The following SSH2 variants were observed in gnomAD, a reference collection of about 807,000 sequenced individuals.
SSH2 encodes the protein protein phosphatase Slingshot homolog 2.
SSH2 carries 37 observed loss-of-function variants against 135.2 expected under a neutral mutation model. That is an observed-to-expected ratio of 0.27 (90% confidence interval 0.21 to 0.36). The LOEUF (loss-of-function observed/expected upper bound fraction) is 0.36, where lower values mean the gene tolerates loss of function less well. SSH2 is among the 10% of genes least tolerant of loss of function. SSH2 has a pLI of 1.00. For synonymous variants in SSH2, 628 were observed against 646.2 expected (o/e 0.97, Z 0.43); for missense variants, 1,408 against 1,765.3 (o/e 0.80, Z 3.63).
chr17:29,654,228 T>G (rs1200065418), intron 12 of SSH2, among the ~76,000 whole-genome samples: 1 of 152,226 alleles, frequency 6.6e-6, no homozygotes, highest in African/African-American at 2.4e-5. Flanking sequence ...CTGAGCTAGG[T>G]AGATAGTAAG....
At chr17:29,649,037 A>T (rs2036491295) in intron 13 of SSH2, among the ~76,000 whole-genome samples, 1 of 152,032 alleles carries the variant, frequency 6.6e-6, no homozygotes, top group Non-Finnish European at 1.5e-5. Context: ...GCTACTCAGG[A>T]GGCCGAGGCA....
chr17:29,863,918 C>T (rs1355515774), intron 1 of SSH2: 1 of 152,130 alleles, frequency 6.6e-6, no homozygotes, highest in Non-Finnish European at 1.5e-5. Context: ...GAAAAGATTC[C>T]TGAGTGTACA....
At chr17:29,894,790 A>G (rs1328590612) in intron 1 of SSH2, among the ~76,000 whole-genome samples, 1 of 151,974 alleles carries the variant, frequency 6.6e-6, no homozygotes, top group Non-Finnish European at 1.5e-5. Context: ...TGGAACACTG[A>G]AGCCATATTC....
chr17:29,902,544 C>A (rs568343987), intron 1 of SSH2, among the ~76,000 whole-genome samples: 57 of 151,504 alleles, frequency 3.8e-4, no homozygotes, highest in South Asian at 1.0e-3. Context: ...AAAAAAAAAA[C>A]CCCAATAATT....
intron 3 of SSH2, among the ~76,000 whole-genome samples, chr17:29,705,512 T>A (rs942254350): frequency 9.2e-5 from 14 of 152,304 alleles, no homozygotes; most frequent in African/African-American, 2.6e-4. Context: ...CCCTCGATTA[T>A]CTATCTACTC....
chr17:29,766,209 A>G (rs528506440), intron 3 of SSH2, among the ~76,000 whole-genome samples: 1 of 152,024 alleles, frequency 6.6e-6, no homozygotes, highest in African/African-American at 2.4e-5. Flanking sequence ...ACATTAAAAT[A>G]CCTGTCTGGG....
chr17:29,631,181 G>A lies in SSH2; in HGVS notation c.4013C>T (p.Pro1338Leu). Residue 1338 changes from proline to leucine, a missense_variant, in exon 16 of 16, where the codon CCA (proline) becomes CTA (leucine). Pro to Leu is a moderately conservative substitution (Grantham distance 98). Around this residue, in one of 3 missense-constraint regions of SSH2, gnomAD observed 1,080 missense variants for 1,144.5 expected, o/e 0.94. Transcript: ENST00000540801. The part of the protein sequence containing the change: ...AMEDQESLEN[P>L]GAPHNPEPTK... ...GGGCTCTGGGTTGTGGGGGGCACCTGGGTTTTCTAGGGACTCTTGGTCCTC... is the reference window on the plus strand; with the variant it reads ...GGGCTCTGGGTTGTGGGGGGCACCTAGGTTTTCTAGGGACTCTTGGTCCTC... 4 of 1,614,168 alleles carry A rather than the reference G, an allele frequency of 2.5e-6. No individual in the cohort carries two copies. The highest frequency in any genetic ancestry group is 2.5e-6 in the Non-Finnish European group (3 of 1,180,040).
At chr17:29,789,555 T>C (rs1239139777) in intron 3 of SSH2, among the ~76,000 whole-genome samples, 3 of 152,180 alleles carry the variant, frequency 2.0e-5, no homozygotes, top group African/African-American at 7.2e-5. Context: ...CATCAGGGCT[T>C]CTACTCTCAT....
chr17:29,829,589 A>G (rs1162612157), intron 2 of SSH2, among the ~76,000 whole-genome samples: 2 of 152,110 alleles, frequency 1.3e-5, no homozygotes, highest in Non-Finnish European at 2.9e-5. Context: ...TCTTCAGGGT[A>G]TGACTTTAGC....
intron 3 of SSH2, among the ~76,000 whole-genome samples, chr17:29,757,780 G>C (rs1307421086): frequency 2.2e-5 from 3 of 138,038 alleles, no homozygotes; most frequent in Non-Finnish European, 3.2e-5. Context: ...CAGTGGCAGG[G>C]GTGGGGGGTG....
intron 3 of SSH2, chr17:29,761,503 G>A: frequency 2.2e-6 from 2 of 914,118 alleles, no homozygotes; most frequent in Non-Finnish European, 2.6e-6. Context: ...GAGCGGAGAG[G>A]GTAGGCCCGG....
chr17:29,813,593 G>A (rs1213623087), intron 2 of SSH2, among the ~76,000 whole-genome samples: 1 of 151,810 alleles, frequency 6.6e-6, no homozygotes, highest in Non-Finnish European at 1.5e-5. Context: ...CGAGGCGGGA[G>A]GATCTCTTGA....
intron 2 of SSH2, among the ~76,000 whole-genome samples, chr17:29,795,499 C>T (rs1212242680): frequency 1.3e-5 from 2 of 152,044 alleles, no homozygotes; most frequent in Non-Finnish European, 2.9e-5. Context: ...AAGGTATGCC[C>T]TTTAGAGACT....
intron 1 of SSH2, among the ~76,000 whole-genome samples, chr17:29,916,620 C>A (rs2066886700): frequency 6.6e-6 from 1 of 151,824 alleles, no homozygotes; most frequent in African/African-American, 2.4e-5. Context: ...ACCACCATGC[C>A]CAGCTAATGT....
chr17:29,645,326 C>G (rs548182358), intron 14 of SSH2: 1 of 152,176 alleles, frequency 6.6e-6, no homozygotes, highest in South Asian at 2.1e-4. Context: ...CTTTTCTCTC[C>G]CCAGGGCTTG....
chr17:29,861,669 T>C (rs188968419), intron 1 of SSH2, among the ~76,000 whole-genome samples: 2 of 152,084 alleles, frequency 1.3e-5, no homozygotes, highest in African/African-American at 4.8e-5. Context: ...GTTCAAGAGA[T>C]TCTCCTGCCT....
intron 1 of SSH2, among the ~76,000 whole-genome samples, chr17:29,871,792 A>T (rs2065940192): frequency 6.6e-6 from 1 of 152,214 alleles, no homozygotes; most frequent in African/African-American, 2.4e-5. Flanking sequence ...AATTTTTCTG[A>T]AAGTAATATG....
chr17:29,637,278 T>C (rs2035949822), intron 14 of SSH2, among the ~76,000 whole-genome samples: 1 of 152,166 alleles, frequency 6.6e-6, no homozygotes, highest in South Asian at 2.1e-4. Context: ...TTTGTATTTT[T>C]AGTAGAGATG....
intron 1 of SSH2, among the ~76,000 whole-genome samples, chr17:29,859,419 G>A (rs913409718): frequency 6.6e-6 from 1 of 152,050 alleles, no homozygotes; most frequent in East Asian, 1.9e-4. Flanking sequence ...GGACTCATTA[G>A]TTATTTTTCC....
Sources: allele counts gnomAD v4.1 joint callset (sites outside exome capture counted in the v4.1 genomes callset), GRCh38; gene constraint gnomAD v4.1.1; regional missense constraint gnomAD v4.1.1; transcripts MANE v1.5; gene names NCBI Gene and HGNC (gene_info 2026-07-23, HGNC 2026-07-21).